Variants in C19orf38 observed in about 807,000 individuals in gnomAD.
C19orf38 encodes the protein chromosome 19 open reading frame 38, also known as protein HIDE1.
Under a neutral mutation model 26.6 loss-of-function variants are expected in C19orf38, and 14 were observed. The observed-to-expected ratio is 0.53, with a 90% CI of 0.35 to 0.82. The LOEUF (loss-of-function observed/expected upper bound fraction) is 0.82, where lower values mean the gene tolerates loss of function less well. C19orf38 is among the 40% of genes least tolerant of loss of function. The probability of loss-of-function intolerance (pLI) is 0.01; values close to 1 mark genes in which losing one functional copy is unlikely to be tolerated. For synonymous variants in C19orf38, 132 were observed against 128.5 expected (o/e 1.03, Z -0.18); for missense variants, 261 against 299.5 (o/e 0.87, Z 0.95).
rs1433358051 is a variant in C19orf38 at position 10,857,366 on chromosome 19, A to ATATATATTTT, written c.434-949_434-948insATATATTTTT. ...TATATATATATATATATATATATAT[A>ATATATATTTT]TTTTTTTTTTTTTTTTTTTAAGATG... On this transcript the variant is annotated intron_variant, in intron 3 of 6. Transcript: ENST00000397820. Among the ~76,000 whole-genome samples the ATATATATTTT allele has an allele frequency of 1.3e-3, 71 of 56,084 alleles. 3 individuals are homozygous for ATATATATTTT. The highest frequency in any genetic ancestry group is 6.3e-3 in the East Asian group (8 of 1,270). 36.8% of individuals were successfully genotyped at this position (56,084 alleles called of 152,430 possible).
At chr19:10,846,134 A>C (rs140737891), upstream of C19orf38, among the ~76,000 whole-genome samples, 921 of 151,436 alleles carry the variant, frequency 6.1e-3, 11 homozygotes, top group South Asian at 0.021. Flanking sequence ...GTGAGTCATG[A>C]TCATGCTGCT....
chr19:10,847,082 C>T (rs2073524335), upstream of C19orf38, among the ~76,000 whole-genome samples: 2 of 152,124 alleles, frequency 1.3e-5, no homozygotes, highest in Non-Finnish European at 2.9e-5. Flanking sequence ...TGGGTCCAAA[C>T]CCCCAAGCAA....
intron 2 of C19orf38, among the ~76,000 whole-genome samples, chr19:10,855,252 C>T (rs928018959): frequency 7.9e-5 from 12 of 151,986 alleles, no homozygotes; most frequent in Non-Finnish European, 1.5e-4. Flanking sequence ...AGGTTGATCT[C>T]GAACTCCTGA....
chr19:10,845,006 A>G (rs1295320473), upstream of C19orf38, among the ~76,000 whole-genome samples: 1 of 151,586 alleles, frequency 6.6e-6, no homozygotes, highest in East Asian at 1.9e-4. Flanking sequence ...AAAAAAAAAA[A>G]AAATTTAGCC....
intron 2 of C19orf38, among the ~76,000 whole-genome samples, chr19:10,851,952 G>A (rs1228822939): frequency 6.8e-6 from 1 of 147,440 alleles, no homozygotes; most frequent in South Asian, 2.2e-4. Flanking sequence ...TCCGGCCTGG[G>A]CGACAGAGCG....
chr19:10,851,167 C>T (rs1665855129), intron 2 of C19orf38, among the ~76,000 whole-genome samples: 1 of 152,184 alleles, frequency 6.6e-6, no homozygotes, highest in African/African-American at 2.4e-5. Context: ...GATTCTTCTG[C>T]CTCAGCCTCC....
upstream of C19orf38, among the ~76,000 whole-genome samples, chr19:10,844,664 A>G (rs1307034025): frequency 6.6e-5 from 10 of 151,304 alleles, no homozygotes; most frequent in African/African-American, 1.2e-4. Context: ...TGGCTAACAC[A>G]GTGAAATCCC....
intron 4 of C19orf38, among the ~76,000 whole-genome samples, 158 bp downstream of exon 4, chr19:10,858,501 G>A (rs2073655092): frequency 6.6e-6 from 1 of 152,094 alleles, no homozygotes; most frequent in Non-Finnish European, 1.5e-5. Context: ...CCTGTGTGCT[G>A]GAGGACTGAG....
chr19:10,846,491 A>G (rs1185411126), upstream of C19orf38, among the ~76,000 whole-genome samples: 3 of 152,184 alleles, frequency 2.0e-5, no homozygotes, highest in Non-Finnish European at 2.9e-5. Context: ...AGAAGAGCCA[A>G]TTGAACATAA....
rs536283334 is a variant in C19orf38 at position 10,863,318 on chromosome 19, CG to C, written c.543+118del. On this transcript the variant is annotated intron_variant, in intron 6 of 6. Transcript: ENST00000397820. ...AAGTTGACCTGCTGTCTCTAAGCTGCGGGGGGGCTAGGAAAAGCCCAGAATC... is the reference window on the plus strand; with the variant it reads ...AAGTTGACCTGCTGTCTCTAAGCTGCGGGGGGCTAGGAAAAGCCCAGAATC... The C allele has an allele frequency of 6.8e-4, 843 of 1,245,774 alleles. 9 individuals carry two copies. The highest frequency in any genetic ancestry group is 5.8e-3 in the Middle Eastern group (24 of 4,150). The allele number at this position is 1,245,774 out of a possible 1,614,324, so 77.2% of individuals were successfully genotyped here. A position where few individuals can be genotyped will look rare whatever the true frequency, so the allele number is the denominator to read the frequency against.
At chr19:10,859,807 C>A in intron 4 of C19orf38, 108 bp from the exon 5 acceptor site, 2 of 999,822 alleles carry the variant, frequency 2.0e-6, no homozygotes, top group Non-Finnish European at 3.1e-6. Flanking sequence ...GGGTGGGGAG[C>A]AAAGGCTACA....
chr19:10,843,640 C>T (rs1271700868), upstream of C19orf38, among the ~76,000 whole-genome samples: 1 of 152,216 alleles, frequency 6.6e-6, no homozygotes, highest in African/African-American at 2.4e-5. Context: ...TCTCTCTTAA[C>T]TCCATCTCCT....
intron 1 of C19orf38, among the ~76,000 whole-genome samples, chr19:10,839,053 CT>C (rs2073459537): frequency 6.6e-6 from 1 of 152,002 alleles, no homozygotes; most frequent in Middle Eastern, 3.2e-3. Flanking sequence ...TTACAGGTGC[CT>C]GCCACCACGC....
chr19:10,857,934 A>AAAGAAAG (rs1268021373), intron 3 of C19orf38, among the ~76,000 whole-genome samples: 2 of 129,286 alleles, frequency 1.5e-5, no homozygotes, highest in Admixed American at 7.6e-5. Context: ...AAGAAAGAAA[A>AAAGAAAG]ATCTGAGGCC....
intron 6 of C19orf38, among the ~76,000 whole-genome samples, chr19:10,867,632 A>C (rs1208813781): frequency 2.1e-5 from 3 of 145,300 alleles, no homozygotes; most frequent in Non-Finnish European, 4.5e-5. Flanking sequence ...AAAAAAAAGG[A>C]AGAACATTCT....
chr19:10,846,201 G>A (rs189857733), upstream of C19orf38, among the ~76,000 whole-genome samples: 1 of 150,628 alleles, frequency 6.6e-6, no homozygotes, highest in Admixed American at 6.7e-5. Flanking sequence ...ATGTTTTTTT[G>A]TTGTTTTTTT....
intron 1 of C19orf38, among the ~76,000 whole-genome samples, chr19:10,839,267 G>A (rs981575731): frequency 6.6e-6 from 1 of 152,182 alleles, no homozygotes; most frequent in African/African-American, 2.4e-5. Flanking sequence ...TGGAGCCTCC[G>A]TGTTGGATAT....
rs1228955642 is a variant in C19orf38, at chr19:10,858,328, AT to A, written c.449del (p.Leu150TyrfsTer177). 1.3e-6 allele frequency: 2 copies of A among 1,549,570 alleles called. No homozygotes were observed. On this transcript the variant is annotated frameshift_variant, in exon 4 of 7. Transcript: ENST00000397820. LOFTEE classifies it high-confidence loss of function. ...ALVVRKVKLR[N>X]LQKKRDRESC... ...TTTTTTGTTCCAGTTAAACTCAGAA[AT>A]TTACAGAAGAAAAGGTGAGATCATC...
chr19:10,863,028 G>T, intron 5 of C19orf38, 142 bp from the exon 6 acceptor site: 1 of 788,914 alleles, frequency 1.3e-6, no homozygotes. Flanking sequence ...GTGCAGAATG[G>T]GTTGGAAAGG....
Sources: gnomAD v4.1 joint callset for allele counts (sites outside exome capture counted in the v4.1 genomes callset) on GRCh38, gnomAD v4.1.1 for gene constraint, MANE v1.5 for transcripts, NCBI Gene and HGNC (gene_info 2026-07-23, HGNC 2026-07-21) for gene names.